GTF2I: variants seen among roughly 807,000 people sequenced by gnomAD.
GTF2I encodes general transcription factor IIi.
GTF2I carries 12 observed loss-of-function variants against 67.6 expected under a neutral mutation model. The ratio of observed to expected loss-of-function variants is 0.18; its 90% CI spans 0.11 to 0.29. The LOEUF (loss-of-function observed/expected upper bound fraction) is 0.29. GTF2I is among the 10% of genes least tolerant of loss of function. The pLI, the probability that GTF2I is intolerant of heterozygous loss-of-function variation, is 1.00. For synonymous variants in GTF2I, 149 were observed against 197.0 expected (o/e 0.76, Z 2.04); for missense variants, 271 against 580.1 (o/e 0.47, Z 5.47).
chr7:74,717,740 A>T (rs1554403883), intron 11 of GTF2I, among the ~76,000 whole-genome samples: 2 of 148,032 alleles, frequency 1.4e-5, no homozygotes, highest in Non-Finnish European at 3.0e-5. Flanking sequence ...TATTTTAATT[A>T]AAAAAAAACA....
At chr7:74,703,863 A>T (rs1255105042) in intron 6 of GTF2I, among the ~76,000 whole-genome samples, 2 of 152,156 alleles carry the variant, frequency 1.3e-5, no homozygotes, top group South Asian at 4.1e-4. Context: ...ATCTTTTTGC[A>T]CGTGGATATC....
chr7:74,691,246 GC>G, intron 3 of GTF2I, 135 bp downstream of exon 3: 1 of 633,132 alleles, frequency 1.6e-6, no homozygotes, highest in Non-Finnish European at 2.5e-6. Flanking sequence ...TGCTCATGTT[GC>G]CTAGGCTGGA....
chr7:74,688,078 A>G (rs1039960473), intron 1 of GTF2I, among the ~76,000 whole-genome samples: 3 of 152,072 alleles, frequency 2.0e-5, no homozygotes, highest in Admixed American at 6.6e-5. Flanking sequence ...TTGGTAAAAT[A>G]TACATAATTT....
At chr7:74,729,897 T>G (rs1428440019) in intron 13 of GTF2I, among the ~76,000 whole-genome samples, 2 of 150,796 alleles carry the variant, frequency 1.3e-5, no homozygotes, top group African/African-American at 2.4e-5. Flanking sequence ...GGTCTCCCTT[T>G]TGTCGTGTTT....
At chr7:74,700,012 A>G (rs79633825) in intron 4 of GTF2I, 12 of 442,462 alleles carry the variant, frequency 2.7e-5, no homozygotes, top group Non-Finnish European at 4.4e-5. Context: ...TGCTCTCTCT[A>G]TGTGTTTTTT....
chr7:74,669,601 T>G (rs1554389887), intron 1 of GTF2I, among the ~76,000 whole-genome samples: 2 of 151,854 alleles, frequency 1.3e-5, no homozygotes, highest in East Asian at 1.9e-4. Context: ...AGTGGCACGA[T>G]CTCGGCTCAC....
chr7:74,662,339 T>A (rs1804580408), intron 1 of GTF2I, among the ~76,000 whole-genome samples: 1 of 148,320 alleles, frequency 6.7e-6, no homozygotes. Context: ...GCCTCCGGAG[T>A]AGCTGGGATC....
intron 6 of GTF2I, among the ~76,000 whole-genome samples, chr7:74,704,757 G>A (rs1554400816): frequency 6.6e-6 from 1 of 150,570 alleles, no homozygotes; most frequent in East Asian, 2.0e-4. Flanking sequence ...AGGAGGCTGA[G>A]GTAGGAGGAT....
chr7:74,661,961 C>T (rs151045068), intron 1 of GTF2I, among the ~76,000 whole-genome samples: 6 of 152,192 alleles, frequency 3.9e-5, no homozygotes, highest in African/African-American at 1.2e-4. Flanking sequence ...TGCCCAAAGT[C>T]TGCCACACCA....
In GTF2I at chr7:74,711,039, C is replaced by A; in HGVS notation, c.693C>A (p.Ser231=). ...TTGCATTTGCTTTTCTAGGCATTTC[C>A]CTGGAAATGGCAGCTGTGACAGTAA... The part of the protein sequence containing the change: ...KTEPTEDSGI[S]LEMAAVTVKE... Residue 231 remains serine (S), a synonymous_variant, in exon 9 of 35, where the codon TCC becomes TCA. Coordinates refer to ENST00000573035, the MANE Select transcript of GTF2I (RefSeq NM_032999.4). 6.6e-7 allele frequency: 1 copy of A among 1,524,646 alleles called. No homozygotes were observed. Among genetic ancestry groups the A allele is most frequent in the South Asian group, 1.2e-5 (1 of 82,912 alleles). The allele number at this position is 1,524,646 out of a possible 1,614,324, so 94.4% of individuals were successfully genotyped here.
Position 74,732,546 on chromosome 7 carries a change from T to A in GTF2I, c.1188T>A (p.Asp396Glu). The change falls in exon 15 of 35, where the codon GAT (aspartate) becomes GAA (glutamate). Residue 396 changes from aspartate to glutamate, a missense_variant. Asp to Glu is a conservative substitution (Grantham distance 45, BLOSUM62 2). Coordinates refer to ENST00000573035, the MANE Select transcript of GTF2I (RefSeq NM_032999.4). The part of the protein sequence containing the change: ...PYPLFQSHVE[D>E]LYVEGLPEGI... ...CTCTTTTCCAGTCTCATGTTGAAGA[T>A]CTTTATGTAGAAGGACTTCCTGAAG... 6.2e-7 allele frequency: 1 copy of A among 1,606,052 alleles called. No homozygotes were observed. The highest frequency in any genetic ancestry group is 1.1e-5 in the South Asian group (1 of 88,972).
At chr7:74,715,879 A>G (rs1012995246) in intron 10 of GTF2I, among the ~76,000 whole-genome samples, 10 of 152,076 alleles carry the variant, frequency 6.6e-5, no homozygotes, top group Non-Finnish European at 1.3e-4. Context: ...TAATTCAAGG[A>G]TATTAGCTAC....
At chr7:74,667,750 TCAAA>T (rs1554389128) in intron 1 of GTF2I, among the ~76,000 whole-genome samples, 1 of 151,396 alleles carries the variant, frequency 6.6e-6, no homozygotes, top group Non-Finnish European at 1.5e-5. Context: ...ACTCCTGAGC[TCAAA>T]CAATCTGCCT....
intron 8 of GTF2I, 40 bp from the exon 9 acceptor site, chr7:74,710,991 AG>A (rs1554402405): frequency 1.0e-6 from 1 of 971,124 alleles, no homozygotes; most frequent in African/African-American, 1.7e-5. Flanking sequence ...TCTAGCTGAA[AG>A]TTCTCACATG....
At chr7:74,727,259 A>G (rs1299303938) in intron 12 of GTF2I, 2 of 152,236 alleles carry the variant, frequency 1.3e-5, no homozygotes, top group Admixed American at 6.5e-5. Flanking sequence ...GGCAGCAAGC[A>G]AGGGTGCTGG....
chr7:74,697,546 T>C (rs918248679), intron 3 of GTF2I, among the ~76,000 whole-genome samples: 1 of 152,228 alleles, frequency 6.6e-6, no homozygotes, highest in African/African-American at 2.4e-5. Context: ...GTGCTAGACT[T>C]TGCAAGCCTA....
At chr7:74,689,282 G>T in intron 2 of GTF2I, 55 bp downstream of exon 2, 1 of 814,424 alleles carries the variant, frequency 1.2e-6, no homozygotes, top group Non-Finnish European at 2.0e-6. Context: ...CTGTAGATAA[G>T]GTTGATTTGT....
chr7:74,719,281 C>T lies in GTF2I; in HGVS notation c.943+340C>T, dbSNP rs587749692. On this transcript the variant is annotated intron_variant, in intron 12 of 34. Coordinates refer to ENST00000573035, the MANE Select transcript of GTF2I (RefSeq NM_032999.4). ...GTGATAGAAGAAGACTTATTTGGAG[C>T]TGGAATCCCTAATTTCTAATTAAGT... 2.6e-5 allele frequency among the ~76,000 whole-genome samples: 4 copies of T among 152,306 alleles called. No homozygotes were observed. The East Asian group carries it at 7.7e-4, about 29-fold the overall frequency.
intron 1 of GTF2I, among the ~76,000 whole-genome samples, chr7:74,666,253 A>G (rs1018710607): frequency 7.2e-5 from 11 of 152,238 alleles, no homozygotes; most frequent in Non-Finnish European, 1.6e-4. Flanking sequence ...TAACACATAC[A>G]TGACGTGAGT....
Sources: gnomAD v4.1 joint callset for allele counts (sites outside exome capture counted in the v4.1 genomes callset) on GRCh38, gnomAD v4.1.1 for gene constraint, MANE v1.5 for transcripts, NCBI Gene and HGNC (gene_info 2026-07-23, HGNC 2026-07-21) for gene names.